Variants in MYO1B observed in about 807,000 individuals in gnomAD.
MYO1B encodes the protein myosin IB, also known as unconventional myosin-Ib.
Under a neutral mutation model 159.7 loss-of-function variants are expected in MYO1B, and 72 were observed. The observed-to-expected ratio is 0.45, with a 90% CI of 0.37 to 0.55. The LOEUF (loss-of-function observed/expected upper bound fraction) is 0.55. Among genes scored for constraint, MYO1B ranks in the 20% least tolerant of loss-of-function variants. MYO1B has a pLI of 0.00. For synonymous variants in MYO1B, 468 were observed against 473.8 expected (o/e 0.99, Z 0.16); for missense variants, 1,062 against 1,364.8 (o/e 0.78, Z 3.50).
rs750047737 is a variant in MYO1B, at chr2:191,425,026, T to C, written c.*1066T>C. 2.0e-5 allele frequency: 3 copies of C among 152,536 alleles called. No individual in the cohort carries two copies. Among genetic ancestry groups the C allele is most frequent in the Admixed American group, 6.5e-5 (1 of 15,270 alleles). 9.4% of individuals were successfully genotyped at this position (152,536 alleles called of 1,614,324 possible). ...TGTGTAACTTGCAGGGCTTTCTTTC[T>C]TTTTCTTCAAATTTACAAGGGTTCA... On this transcript the variant is annotated 3_prime_UTR_variant, in exon 31 of 31. Transcript: ENST00000392318.
intron 2 of MYO1B, among the ~76,000 whole-genome samples, chr2:191,291,262 A>G (rs1397414376): frequency 1.3e-5 from 2 of 152,170 alleles, no homozygotes; most frequent in African/African-American, 4.8e-5. Context: ...TTATTTGATT[A>G]TTTACAAGAC....
At chr2:191,383,048 G>A (rs192408323) in intron 14 of MYO1B, among the ~76,000 whole-genome samples, 3 of 152,308 alleles carry the variant, frequency 2.0e-5, no homozygotes, top group East Asian at 3.9e-4. Flanking sequence ...GGAATGGAAG[G>A]CAGTCTCAGA....
intron 24 of MYO1B, among the ~76,000 whole-genome samples, chr2:191,403,117 C>T (rs1463394359): frequency 6.6e-6 from 1 of 152,186 alleles, no homozygotes; most frequent in Non-Finnish European, 1.5e-5. Flanking sequence ...CTTTTTGTAC[C>T]AATTCTGCTC....
At chr2:191,295,608 T>C (rs67781530) in intron 2 of MYO1B, among the ~76,000 whole-genome samples, 56,265 of 151,678 alleles carry the variant, frequency 0.37, 10,633 homozygotes, top group Middle Eastern at 0.53. Context: ...TCTGAGCCCA[T>C]TGTGGAAAGA....
chr2:191,400,670 T>C (rs1376782018), intron 22 of MYO1B, 79 bp from the exon 23 acceptor site: 2 of 1,516,120 alleles, frequency 1.3e-6, no homozygotes, highest in African/African-American at 1.4e-5. Context: ...GTGTCTCTCT[T>C]TTTCTTTCTT....
intron 4 of MYO1B, among the ~76,000 whole-genome samples, chr2:191,334,289 C>G (rs899651067): frequency 1.7e-4 from 26 of 152,068 alleles, no homozygotes; most frequent in African/African-American, 5.8e-4. Flanking sequence ...ATGTGACATC[C>G]GCCTTCTCAG....
At chr2:191,398,755 G>T (rs1442444363) in intron 21 of MYO1B, among the ~76,000 whole-genome samples, 1 of 151,486 alleles carries the variant, frequency 6.6e-6, no homozygotes, top group East Asian at 2.0e-4. Context: ...GATGGCGGCC[G>T]GGCAGAGACG....
chr2:191,308,590 C>T (rs1041854990), intron 3 of MYO1B, among the ~76,000 whole-genome samples: 4 of 152,178 alleles, frequency 2.6e-5, no homozygotes, highest in Non-Finnish European at 5.9e-5. Context: ...TAACATGCTG[C>T]AATGTTTCTC....
Position 191,424,808 on chromosome 2 carries a change from C to T in MYO1B, c.*848C>T, listed in dbSNP as rs991347451. The stretch of plus-strand genomic sequence containing the variant: ...TAATATCTCCAGAATATTGTTTTCA[C>T]CCAAATTTGAGTAGATATTTTAAAC... On this transcript the variant is annotated 3_prime_UTR_variant, in exon 31 of 31. Transcript: ENST00000392318. 3 of 152,444 alleles carry T rather than the reference C, an allele frequency of 2.0e-5. No homozygotes were observed. Among genetic ancestry groups the T allele is most frequent in the African/African-American group, 7.2e-5 (3 of 41,404 alleles). 9.4% of individuals were successfully genotyped at this position (152,444 alleles called of 1,614,324 possible). A position where few individuals can be genotyped will look rare whatever the true frequency, so the allele number is the denominator to read the frequency against.
intron 5 of MYO1B, among the ~76,000 whole-genome samples, chr2:191,342,941 T>A (rs1234641374): frequency 6.6e-6 from 1 of 152,192 alleles, no homozygotes; most frequent in Non-Finnish European, 1.5e-5. Flanking sequence ...AAGCATGTCT[T>A]TACTGTCACT....
chr2:191,373,895 A>G (rs1046246311), intron 13 of MYO1B, among the ~76,000 whole-genome samples: 1 of 152,022 alleles, frequency 6.6e-6, no homozygotes, highest in African/African-American at 2.4e-5. Context: ...ATTATATTTA[A>G]TTGTTACCTC....
chr2:191,263,050 T>A (rs1686919728), intron 1 of MYO1B: 1 of 152,228 alleles, frequency 6.6e-6, no homozygotes, highest in African/African-American at 2.4e-5. Context: ...TGTCTCTCAT[T>A]CTTTCTTCTT....
intron 23 of MYO1B, chr2:191,402,266 C>T (rs944191432): frequency 1.5e-5 from 4 of 275,670 alleles, no homozygotes; most frequent in Middle Eastern, 1.3e-3. Flanking sequence ...CTAATGACAT[C>T]ATTAGGGCTG....
intron 4 of MYO1B, among the ~76,000 whole-genome samples, chr2:191,331,772 A>G (rs1212995735): frequency 6.6e-6 from 1 of 152,248 alleles, no homozygotes; most frequent in South Asian, 2.1e-4. Context: ...CATGCAAAAC[A>G]TAAGTGGAGT....
chr2:191,316,873 C>G (rs1261338713), intron 3 of MYO1B, among the ~76,000 whole-genome samples: 1 of 152,120 alleles, frequency 6.6e-6, no homozygotes, highest in African/African-American at 2.4e-5. Context: ...AGGCAGTCTT[C>G]TAGCAATTTA....
At chr2:191,348,161 A>G (rs1028824418) in intron 6 of MYO1B, among the ~76,000 whole-genome samples, 1 of 152,088 alleles carries the variant, frequency 6.6e-6, no homozygotes, top group African/African-American at 2.4e-5. Context: ...TCCACTATCA[A>G]CTGAATTCTC....
At chr2:191,378,993 G>A (rs1020508324) in intron 13 of MYO1B, among the ~76,000 whole-genome samples, 2 of 152,134 alleles carry the variant, frequency 1.3e-5, no homozygotes, top group African/African-American at 2.4e-5. Flanking sequence ...GTTATATGAT[G>A]TATCATTATT....
chr2:191,303,790 T>C (rs900086643), intron 3 of MYO1B, among the ~76,000 whole-genome samples: 1 of 152,196 alleles, frequency 6.6e-6, no homozygotes, highest in Non-Finnish European at 1.5e-5. Context: ...AGATGACAGA[T>C]TGTGGTCTGC....
At chr2:191,416,331 C>G in intron 30 of MYO1B, 89 bp downstream of exon 30, 2 of 1,456,420 alleles carry the variant, frequency 1.4e-6, no homozygotes, top group Non-Finnish European at 1.9e-6. Flanking sequence ...AATACAACTA[C>G]TTATTAAGTA....
Sources: allele counts gnomAD v4.1 joint callset (sites outside exome capture counted in the v4.1 genomes callset), GRCh38; gene constraint gnomAD v4.1.1; transcripts MANE v1.5; gene names NCBI Gene and HGNC (gene_info 2026-07-23, HGNC 2026-07-21).